The following RAPGEF4 variants were observed in gnomAD, a reference collection of about 807,000 sequenced individuals.
RAPGEF4 encodes RAP guanine-nucleotide-exchange factor (GEF) 4.
In RAPGEF4, 66 loss-of-function variants were observed where a neutral mutation model predicts 147.9. The observed-to-expected ratio is 0.45, with a 90% confidence interval of 0.37 to 0.55. The LOEUF (loss-of-function observed/expected upper bound fraction) is 0.55, where lower values mean the gene tolerates loss of function less well. Among genes scored for constraint, RAPGEF4 ranks in the 20% least tolerant of loss-of-function variants. The pLI is 0.00. For synonymous variants in RAPGEF4, 419 were observed against 442.7 expected (o/e 0.95, Z 0.67); for missense variants, 1,071 against 1,257.3 (o/e 0.85, Z 2.24).
At chr2:172,998,398 G>T (rs541436147) in intron 16 of RAPGEF4, among the ~76,000 whole-genome samples, 1 of 152,164 alleles carries the variant, frequency 6.6e-6, no homozygotes, top group South Asian at 2.1e-4. Context: ...TAAGAATTGG[G>T]GTATAGATCT....
At chr2:172,992,480 A>C (rs938361803) in intron 15 of RAPGEF4, among the ~76,000 whole-genome samples, 5 of 152,254 alleles carry the variant, frequency 3.3e-5, no homozygotes, top group Admixed American at 6.5e-5. Flanking sequence ...CTGAAAAGGC[A>C]AGCCTTGAGA....
At chr2:173,050,067 A>C (rs1413711970) in intron 30 of RAPGEF4, among the ~76,000 whole-genome samples, 3 of 152,242 alleles carry the variant, frequency 2.0e-5, no homozygotes, top group Non-Finnish European at 4.4e-5. Flanking sequence ...CTTTGGAAGT[A>C]AATCTTGCAT....
chr2:172,760,707 G>T (rs562484975), intron 1 of RAPGEF4, among the ~76,000 whole-genome samples: 1 of 145,644 alleles, frequency 6.9e-6, no homozygotes, highest in East Asian at 2.0e-4. Context: ...GACAGAGCGA[G>T]ACTCCATCTC....
intron 6 of RAPGEF4, among the ~76,000 whole-genome samples, chr2:172,924,091 A>G (rs1033673887): frequency 6.6e-6 from 1 of 152,234 alleles, no homozygotes; most frequent in Non-Finnish European, 1.5e-5. Flanking sequence ...ATCCTACAAC[A>G]AATAATACAC....
At chr2:172,998,459 A>G (rs2105784394) in intron 16 of RAPGEF4, among the ~76,000 whole-genome samples, 1 of 152,306 alleles carries the variant, frequency 6.6e-6, no homozygotes, top group East Asian at 1.9e-4. Context: ...CATGCCTGTA[A>G]TCCCAGCACT....
At chr2:172,814,582 A>G in intron 4 of RAPGEF4, 157 bp downstream of exon 4, 1 of 867,762 alleles carries the variant, frequency 1.2e-6, no homozygotes. Flanking sequence ...TGAGTGAGTG[A>G]AAAAGCCATT....
chr2:173,037,731 G>A (rs1684231963), intron 29 of RAPGEF4, among the ~76,000 whole-genome samples: 1 of 152,124 alleles, frequency 6.6e-6, no homozygotes, highest in Admixed American at 6.5e-5. Context: ...GGGACCTGGA[G>A]TCTGGGAGAC....
intron 22 of RAPGEF4, among the ~76,000 whole-genome samples, chr2:173,020,102 T>A (rs113514965): frequency 1.0e-3 from 153 of 152,362 alleles, no homozygotes; most frequent in African/African-American, 3.5e-3. Context: ...TTTTTTGACA[T>A]GTTCTCATCT....
intron 3 of RAPGEF4, among the ~76,000 whole-genome samples, chr2:172,800,799 G>T (rs1686900638): frequency 6.6e-6 from 1 of 152,182 alleles, no homozygotes; most frequent in African/African-American, 2.4e-5. Context: ...TCTACTGATT[G>T]TAAAGGTTAA....
At chr2:172,908,798 T>C (rs1309090824) in intron 4 of RAPGEF4, among the ~76,000 whole-genome samples, 3 of 152,128 alleles carry the variant, frequency 2.0e-5, no homozygotes. Flanking sequence ...TTCTACAGAA[T>C]GGATCTAATT....
chr2:172,860,458 T>C (rs1693899797), intron 4 of RAPGEF4, among the ~76,000 whole-genome samples: 2 of 152,142 alleles, frequency 1.3e-5, no homozygotes, highest in South Asian at 4.2e-4. Flanking sequence ...ATAAAGTTCT[T>C]AACAGAGAAC....
At chr2:172,986,360 T>A (rs1335135668) in intron 12 of RAPGEF4, among the ~76,000 whole-genome samples, 1 of 152,250 alleles carries the variant, frequency 6.6e-6, no homozygotes, top group Non-Finnish European at 1.5e-5. Context: ...ATCTTGCTCT[T>A]TCTTCAGGCT....
intron 6 of RAPGEF4, among the ~76,000 whole-genome samples, chr2:172,930,476 T>C (rs545820053): frequency 2.0e-5 from 3 of 152,330 alleles, no homozygotes; most frequent in Non-Finnish European, 4.4e-5. Flanking sequence ...CCTTTTCCGT[T>C]ATAATTACCC....
intron 4 of RAPGEF4, among the ~76,000 whole-genome samples, chr2:172,853,136 G>T (rs1285003544): frequency 1.3e-5 from 2 of 151,928 alleles, no homozygotes; most frequent in African/African-American, 4.8e-5. Context: ...TTTGGTATCA[G>T]GATTATGCTG....
rs987932392 is a variant in RAPGEF4 at position 172,909,649 on chromosome 2, C to T, written c.445-8153C>T. On this transcript the variant is annotated intron_variant, in intron 4 of 30. Transcript: ENST00000397081. The stretch of plus-strand genomic sequence containing the variant: ...AAGACCTGCTGAGTCACCTCGGAAC[C>T]ACTGCTGACCCCAGGTTTAAGCTGA... Among the ~76,000 whole-genome samples the T allele has an allele frequency of 4.6e-5, 7 of 152,264 alleles. No individual in the cohort carries two copies. The South Asian group carries it at 1.5e-3, about 32-fold the overall frequency.
intron 27 of RAPGEF4, among the ~76,000 whole-genome samples, chr2:173,035,613 A>C (rs1251542772): frequency 2.0e-5 from 3 of 152,162 alleles, no homozygotes; most frequent in Non-Finnish European, 4.4e-5. Context: ...TGGCCTCCAA[A>C]AGTGCTGGGA....
chr2:173,017,041 G>A (rs1258419726), intron 19 of RAPGEF4, 133 bp from the exon 20 acceptor site: 2 of 810,098 alleles, frequency 2.5e-6, no homozygotes, highest in African/African-American at 1.7e-5. Flanking sequence ...TTAAAATGAG[G>A]AAGCTCATAT....
At chr2:172,865,793 G>C (rs574983156) in intron 4 of RAPGEF4, among the ~76,000 whole-genome samples, 1 of 152,024 alleles carries the variant, frequency 6.6e-6, no homozygotes, top group African/African-American at 2.4e-5. Flanking sequence ...TCCTCCTTCC[G>C]AGTGAAGGGA....
chr2:172,843,133 TTA>T (rs1691803853), intron 4 of RAPGEF4, among the ~76,000 whole-genome samples: 1 of 152,138 alleles, frequency 6.6e-6, no homozygotes, highest in Non-Finnish European at 1.5e-5. Flanking sequence ...TGGGAGTTTA[TTA>T]CAGTAGTCTA....
Sources: allele counts gnomAD v4.1 joint callset (sites outside exome capture counted in the v4.1 genomes callset), GRCh38; gene constraint gnomAD v4.1.1; transcripts MANE v1.5; gene names NCBI Gene and HGNC (gene_info 2026-07-23, HGNC 2026-07-21).